Variants in CCDC197 observed in about 807,000 individuals in gnomAD.
CCDC197 encodes the protein uncharacterized protein CCDC197.
CCDC197 carries 24 observed loss-of-function variants against 13.4 expected under a neutral mutation model. The observed-to-expected ratio is 1.80, with a 90% CI of 1.30 to 2.53. CCDC197 has a LOEUF of 2.53. CCDC197 is among the 30% of genes most tolerant of loss of function. CCDC197 has a pLI of 0.00. For missense variants in CCDC197, 255 were observed against 148.8 expected, an observed-to-expected ratio of 1.71 and a Z score of -3.71; for synonymous variants, 99 against 55.5, an observed-to-expected ratio of 1.78 and a Z score of -3.48.
rs11848777 is a variant in CCDC197 at position 93,998,001 on chromosome 14, G to T, written c.-131G>T. The T allele has an allele frequency of 0.014, 9,112 of 648,298 alleles. 160 individuals carry two copies. Among genetic ancestry groups the T allele is most frequent in the African/African-American group, 0.061 (3,399 of 55,986 alleles). 40.2% of individuals were successfully genotyped at this position (648,298 alleles called of 1,614,324 possible). A position where few individuals can be genotyped will look rare whatever the true frequency, so the allele number is the denominator to read the frequency against. ...ACCTCTGTCTCCTTTTCTGTGAGGT[G>T]GGGATGCTAACCCTGGCTTCCAAGG... On this transcript the variant is annotated splice_region_variant and 5_prime_UTR_variant, in exon 2 of 7. Coordinates refer to ENST00000636493, the MANE Select transcript of CCDC197 (RefSeq NM_001351596.2).
At chr14:93,994,633 G>A (rs1487141228), upstream of CCDC197, among the ~76,000 whole-genome samples, 1 of 152,204 alleles carries the variant, frequency 6.6e-6, no homozygotes, top group African/African-American at 2.4e-5. Flanking sequence ...AATTGTCACT[G>A]GAAAACAAAT....
In CCDC197 at chr14:93,999,661, C is replaced by G; in HGVS notation, c.183C>G (p.Pro61=). The G allele has an allele frequency of 1.3e-6, 1 of 781,016 alleles. No homozygotes were observed. The highest frequency in any genetic ancestry group is 1.3e-5 in the South Asian group (1 of 74,620). 48.4% of individuals were successfully genotyped at this position (781,016 alleles called of 1,614,324 possible). Residue 61 remains proline, a synonymous_variant, in exon 3 of 7, where the codon CCC becomes CCG. Coordinates refer to ENST00000636493, the MANE Select transcript of CCDC197 (RefSeq NM_001351596.2). ...DYLIKVLEKI[P]EGCTGWEEPE... ...TGATTAAGGTCCTTGAGAAAATCCC[C>G]GAGGGTATGTACACAGCTTCCTCGG...
downstream of CCDC197, among the ~76,000 whole-genome samples, chr14:94,010,786 G>A (rs1405925289): frequency 6.6e-6 from 1 of 152,080 alleles, no homozygotes; most frequent in Non-Finnish European, 1.5e-5. Flanking sequence ...GGTGCAAGGG[G>A]AGCCTCACAC....
chr14:94,000,318 C>T (rs1439501988), intron 3 of CCDC197, among the ~76,000 whole-genome samples: 8 of 152,178 alleles, frequency 5.3e-5, no homozygotes, highest in Non-Finnish European at 1.0e-4. Flanking sequence ...GGGTAACGAA[C>T]TTGCCCAGGG....
chr14:94,007,287 T>C (rs571909800), intron 6 of CCDC197: 4 of 152,246 alleles, frequency 2.6e-5, no homozygotes, highest in Admixed American at 1.3e-4. Flanking sequence ...TCATTTTCAG[T>C]TGATTTTTTA....
upstream of CCDC197, among the ~76,000 whole-genome samples, chr14:93,995,652 C>G (rs1323973508): frequency 6.6e-6 from 1 of 152,172 alleles, no homozygotes; most frequent in Admixed American, 6.5e-5. Flanking sequence ...ATTGGGCACC[C>G]TCTCTTGATT....
At chr14:94,010,316 G>A (rs1317274159), downstream of CCDC197, among the ~76,000 whole-genome samples, 1 of 152,164 alleles carries the variant, frequency 6.6e-6, no homozygotes. Context: ...CGATTCTCCT[G>A]CCTCAGCCTC....
rs746694810 is a variant in CCDC197, at chr14:93,999,722, AG to A, written c.187+59del. 1.6e-4 allele frequency: 125 copies of A among 776,784 alleles called. 1 individual carries two copies. The highest frequency in any genetic ancestry group is 3.9e-4 in the South Asian group (29 of 74,224). 48.1% of individuals were successfully genotyped at this position (776,784 alleles called of 1,614,324 possible). A position where few individuals can be genotyped will look rare whatever the true frequency, so the allele number is the denominator to read the frequency against. ...CTCTCCACAGCCACCTACTGGCTGC[AG>A]GACTGCGACACCGTGTGTGGCCTCA... On this transcript the variant is annotated intron_variant, in intron 3 of 6. Transcript: ENST00000636493.
chr14:94,005,636 C>G lies in CCDC197; in HGVS notation c.615+665C>G, dbSNP rs558819197. Among the ~76,000 whole-genome samples the G allele has an allele frequency of 3.3e-5, 5 of 152,308 alleles. No homozygotes were observed. The South Asian group carries it at 8.3e-4, about 25-fold the overall frequency. On this transcript the variant is annotated intron_variant, in intron 6 of 6. Transcript: ENST00000636493. ...ATAATTCACATACCATAACATTTAG[C>G]CCTTACAATTATGCATGTCCGTGTT...
chr14:93,992,025 C>T (rs1595347641), intron 1 of CCDC197, among the ~76,000 whole-genome samples: 1 of 152,230 alleles, frequency 6.6e-6, no homozygotes, highest in Non-Finnish European at 1.5e-5. Flanking sequence ...AGGCATTTTG[C>T]AAACAGGTTG....
upstream of CCDC197, among the ~76,000 whole-genome samples, chr14:93,994,289 T>C (rs1308307810): frequency 6.6e-6 from 1 of 152,250 alleles, no homozygotes; most frequent in Non-Finnish European, 1.5e-5. Flanking sequence ...TTTCATTTTG[T>C]ACTGAGCCCC....
At chr14:94,006,220 T>C (rs985722210) in intron 6 of CCDC197, among the ~76,000 whole-genome samples, 48 of 152,350 alleles carry the variant, frequency 3.2e-4, no homozygotes, top group African/African-American at 1.1e-3. Flanking sequence ...TGGCATCTCA[T>C]TGTGGTTTTG....
At position 93,997,458 on chromosome 14, in the gene CCDC197, G is replaced by A. The variant is rs1595350232; in HGVS notation, c.-247G>A. 1 of 152,364 alleles carries A rather than the reference G, an allele frequency of 6.6e-6. No individual in the cohort carries two copies. The highest frequency in any genetic ancestry group is 1.5e-5 in the Non-Finnish European group (1 of 68,176). The allele number at this position is 152,364 out of a possible 1,614,324, so 9.4% of individuals were successfully genotyped here. A position where few individuals can be genotyped will look rare whatever the true frequency, so the allele number is the denominator to read the frequency against. ...ATGCTTGCATACTGGCCTTGGGTGA[G>A]TGGCTCAGGAACAGTTTGCAAGACC... is the stretch of plus-strand genomic sequence containing the variant. On this transcript the variant is annotated 5_prime_UTR_variant, in exon 1 of 7. It adds an upstream start codon to the 5' untranslated region. Transcript: ENST00000636493.
In CCDC197 at chr14:94,005,076, C is replaced by G. The variant is rs896767161; in HGVS notation, c.615+105C>G. The stretch of plus-strand genomic sequence containing the variant: ...CAGGCTGCATTTGTGTTTAGCCCCC[C>G]ATCAGCTCTTCTTTCCATAGCTACA... On this transcript the variant is annotated intron_variant, in intron 6 of 6. Transcript: ENST00000636493. 9.6e-6 allele frequency: 6 copies of G among 622,258 alleles called. No homozygotes were observed. In the African/African-American group the frequency reaches 1.1e-4, roughly 11 times the overall value. 38.5% of individuals were successfully genotyped at this position (622,258 alleles called of 1,614,324 possible).
In CCDC197 at chr14:94,004,977, G is replaced by T. The variant is rs1015948041; in HGVS notation, c.615+6G>T. 7.1e-6 allele frequency: 5 copies of T among 701,734 alleles called. No homozygotes were observed. Among genetic ancestry groups the T allele is most frequent in the South Asian group, 3.0e-5 (2 of 67,370 alleles). The allele number at this position is 701,734 out of a possible 1,614,324, so 43.5% of individuals were successfully genotyped here. On this transcript the variant is annotated splice_donor_region_variant and intron_variant, in intron 6 of 6. Transcript: ENST00000636493. Reference sequence around the variant, plus strand: ...CCAAGCTCGATCTGATTAAGGTAAGGATAGACAGATGGCTGCGGGGCTCCT... The same window carrying T: ...CCAAGCTCGATCTGATTAAGGTAAGTATAGACAGATGGCTGCGGGGCTCCT...
downstream of CCDC197, among the ~76,000 whole-genome samples, chr14:94,010,277 C>T (rs894556083): frequency 9.2e-5 from 14 of 152,220 alleles, no homozygotes; most frequent in African/African-American, 2.7e-4. Context: ...AATCTCTGCT[C>T]ACTGCAACCT....
downstream of CCDC197, among the ~76,000 whole-genome samples, chr14:94,011,506 C>T (rs544200957): frequency 1.3e-5 from 2 of 152,216 alleles, no homozygotes; most frequent in East Asian, 1.9e-4. Context: ...CTTAACAGCG[C>T]GGCTACCTCA....
intron 3 of CCDC197, 77 bp from the exon 4 acceptor site, chr14:94,001,068 T>C: frequency 1.5e-6 from 1 of 655,018 alleles, no homozygotes; most frequent in Non-Finnish European, 2.8e-6. Flanking sequence ...TGGCCCCAGC[T>C]GGAATTCCTG....
At chr14:94,009,917 G>A (rs1890780676), downstream of CCDC197, among the ~76,000 whole-genome samples, 1 of 152,232 alleles carries the variant, frequency 6.6e-6, no homozygotes, top group African/African-American at 2.4e-5. Context: ...GTCAGCTGCT[G>A]TTAATTTATC....
Sources: allele counts gnomAD v4.1 joint callset (sites outside exome capture counted in the v4.1 genomes callset), GRCh38; gene constraint gnomAD v4.1.1; transcripts MANE v1.5; gene names NCBI Gene and HGNC (gene_info 2026-07-23, HGNC 2026-07-21).